Variants in CCDC102B observed in about 807,000 individuals in gnomAD.
CCDC102B encodes coiled-coil domain containing 102B.
Under a neutral mutation model 57.4 loss-of-function variants are expected in CCDC102B, and 75 were observed. That is an observed-to-expected ratio of 1.31 (90% CI 1.08 to 1.58). The LOEUF is 1.58. Ranked by LOEUF, CCDC102B falls within the 40% of genes most tolerant of loss-of-function variation. CCDC102B has a pLI of 0.00. For missense variants in CCDC102B, 636 were observed against 582.6 expected (o/e 1.09, Z -0.94); for synonymous variants, 206 against 201.9 (o/e 1.02, Z -0.17).
chr18:68,862,385 A>G (rs1568296686), intron 4 of CCDC102B, among the ~76,000 whole-genome samples: 1 of 152,170 alleles, frequency 6.6e-6, no homozygotes, highest in Non-Finnish European at 1.5e-5. Flanking sequence ...CTTTAATGCA[A>G]TTGAGTTAGG....
chr18:68,880,567 A>G (rs1599625858), intron 5 of CCDC102B, among the ~76,000 whole-genome samples: 2 of 151,932 alleles, frequency 1.3e-5, no homozygotes, highest in South Asian at 2.1e-4. Context: ...TCAGCGGGGC[A>G]ACTAAGTCAT....
rs116182269 is a variant in CCDC102B at position 69,054,863 on chromosome 18, T to C, written c.*726T>C. 7.4e-4 allele frequency: 725 copies of C among 985,286 alleles called. 3 individuals carry two copies. The African/African-American group carries it at 8.3e-3, about 11-fold the overall frequency. The allele number at this position is 985,286 out of a possible 1,614,324, so 61.0% of individuals were successfully genotyped here. A position where few individuals can be genotyped will look rare whatever the true frequency, so the allele number is the denominator to read the frequency against. On this transcript the variant is annotated 3_prime_UTR_variant, in exon 8 of 8. Coordinates refer to ENST00000360242, the MANE Select transcript of CCDC102B (RefSeq NM_024781.3). ...TTGCAAAGTAGCATCTAGGTAGAAA[T>C]CAGGCCAAAATTAAGCTGTGGTTTC...
intron 5 of CCDC102B, among the ~76,000 whole-genome samples, chr18:68,894,653 G>C (rs2040183687): frequency 6.6e-6 from 1 of 151,684 alleles, no homozygotes; most frequent in Non-Finnish European, 1.5e-5. Context: ...ATAAGAAACA[G>C]TTTTACAAAA....
At chr18:68,764,677 T>C (rs2034365676) in intron 2 of CCDC102B, among the ~76,000 whole-genome samples, 1 of 152,184 alleles carries the variant, frequency 6.6e-6, no homozygotes, top group Non-Finnish European at 1.5e-5. Flanking sequence ...GAAGAAAATG[T>C]TAGCATTAAA....
At chr18:68,952,694 C>T (rs1176809164) in intron 6 of CCDC102B, among the ~76,000 whole-genome samples, 1 of 152,014 alleles carries the variant, frequency 6.6e-6, no homozygotes, top group Non-Finnish European at 1.5e-5. Context: ...ATTGGTCAAC[C>T]CCAAGGAGAG....
At chr18:69,007,367 A>C (rs1893943702) in intron 6 of CCDC102B, among the ~76,000 whole-genome samples, 2 of 152,176 alleles carry the variant, frequency 1.3e-5, no homozygotes, top group African/African-American at 4.8e-5. Context: ...AAAGTCTCAG[A>C]TTGTTGTTGT....
intron 7 of CCDC102B, among the ~76,000 whole-genome samples, chr18:69,024,909 A>T (rs1360245290): frequency 1.3e-5 from 2 of 152,080 alleles, no homozygotes. Flanking sequence ...GGTTTATGTC[A>T]GTATTTTAAA....
chr18:68,903,079 A>G (rs1190679280), intron 6 of CCDC102B, among the ~76,000 whole-genome samples: 1 of 152,222 alleles, frequency 6.6e-6, no homozygotes, highest in Non-Finnish European at 1.5e-5. Context: ...GAGTTTTCAT[A>G]GATGCGTGAA....
chr18:68,831,993 G>A (rs1338737792), intron 1 of CCDC102B, among the ~76,000 whole-genome samples: 1 of 151,598 alleles, frequency 6.6e-6, no homozygotes, highest in African/African-American at 2.4e-5. Context: ...ATATGTCATC[G>A]TATCTATCAT....
At chr18:68,717,613 G>A (rs2032097244) in intron 2 of CCDC102B, among the ~76,000 whole-genome samples, 1 of 151,986 alleles carries the variant, frequency 6.6e-6, no homozygotes, top group Non-Finnish European at 1.5e-5. Context: ...AGGCTTTTTT[G>A]TTCAGAGAAC....
At chr18:68,761,116 T>C (rs2034241314) in intron 2 of CCDC102B, among the ~76,000 whole-genome samples, 1 of 152,102 alleles carries the variant, frequency 6.6e-6, no homozygotes, top group Admixed American at 6.6e-5. Flanking sequence ...ACAGCTGAGT[T>C]TGAGCACGAA....
At chr18:68,861,137 TAA>T (rs34120526) in intron 4 of CCDC102B, among the ~76,000 whole-genome samples, 53 of 150,464 alleles carry the variant, frequency 3.5e-4, no homozygotes, top group South Asian at 6.3e-4. Context: ...TAAAACATAA[TAA>T]AAAAAAAAAT....
At chr18:68,715,248 A>C in exon 1 of CCDC102B, 2 of 1,326,856 alleles carry the variant, frequency 1.5e-6, no homozygotes, top group African/African-American at 1.5e-5. Flanking sequence ...GCCCCCCTCC[A>C]CGCCCAGGAG....
intron 4 of CCDC102B, among the ~76,000 whole-genome samples, chr18:68,867,794 A>C (rs62097625): frequency 0.7 from 106,209 of 151,174 alleles, 37,735 homozygotes; most frequent in East Asian, 1. Context: ...ATTAGTCAGG[A>C]GTGGTGGCGG....
At chr18:68,748,224 G>A (rs560219160) in intron 2 of CCDC102B, among the ~76,000 whole-genome samples, 3,156 of 150,324 alleles carry the variant, frequency 0.021, 107 homozygotes, top group African/African-American at 0.063. Flanking sequence ...GTGTGTGTGT[G>A]TGTGTGTGTG....
chr18:68,906,818 A>C (rs931224888), intron 6 of CCDC102B, among the ~76,000 whole-genome samples: 19 of 133,046 alleles, frequency 1.4e-4, no homozygotes, highest in Non-Finnish European at 2.8e-4. Context: ...GCAGTTTTAC[A>C]TTTTGACGAA....
chr18:68,911,327 C>G (rs368929816), intron 6 of CCDC102B, among the ~76,000 whole-genome samples: 4 of 152,062 alleles, frequency 2.6e-5, no homozygotes, highest in African/African-American at 7.2e-5. Flanking sequence ...AGCCAGCTAA[C>G]GCAGGAACAG....
intron 6 of CCDC102B, among the ~76,000 whole-genome samples, chr18:68,958,068 C>T (rs970623777): frequency 1.4e-4 from 21 of 152,072 alleles, no homozygotes; most frequent in African/African-American, 5.1e-4. Flanking sequence ...CACATGCCAG[C>T]AGACAAGAGA....
intron 1 of CCDC102B, among the ~76,000 whole-genome samples, chr18:68,820,145 G>A (rs2036637292): frequency 6.6e-6 from 1 of 151,922 alleles, no homozygotes; most frequent in African/African-American, 2.4e-5. Flanking sequence ...TACTATTTTC[G>A]GGGGTAAAGC....
Sources: gnomAD v4.1 joint callset for allele counts (sites outside exome capture counted in the v4.1 genomes callset) on GRCh38, gnomAD v4.1.1 for gene constraint, MANE v1.5 for transcripts, NCBI Gene and HGNC (gene_info 2026-07-23, HGNC 2026-07-21) for gene names.